Variants in PCDH15 observed in about 807,000 individuals in gnomAD.
PCDH15 encodes protocadherin-15.
A neutral mutation model predicts 178.5 loss-of-function variants in PCDH15; 129 were observed. That is an observed-to-expected ratio of 0.72 (90% CI 0.63 to 0.84). PCDH15 has a LOEUF of 0.84. PCDH15 is among the 40% of genes least tolerant of loss of function. PCDH15 has a pLI of 0.00. For synonymous variants in PCDH15, 800 were observed against 732.0 expected (o/e 1.09, Z -1.50); for missense variants, 2,230 against 2,099.9 (o/e 1.06, Z -1.21).
chr10:54,911,199 A>G (rs1954808225), intron 2 of PCDH15, among the ~76,000 whole-genome samples: 1 of 152,178 alleles, frequency 6.6e-6, no homozygotes, highest in African/African-American at 2.4e-5. Flanking sequence ...CTTCAGATAC[A>G]GTTTCACCGG....
Position 55,575,288 on chromosome 10 carries a change from G to T in PCDH15, c.-156+52337C>A, listed in dbSNP as rs140966468. 2.0e-5 allele frequency among the ~76,000 whole-genome samples: 3 copies of T among 152,106 alleles called. No homozygotes were observed. In the East Asian group the frequency reaches 5.8e-4, roughly 29 times the overall value. Reference sequence around the variant, plus strand: ...AATTTGTAATCTTATAAGGACTTAAGGCCCATCCTTACAATCAGAGGTAAA... The same window carrying T: ...AATTTGTAATCTTATAAGGACTTAATGCCCATCCTTACAATCAGAGGTAAA... On this transcript the variant is annotated intron_variant, in intron 2 of 5. Coordinates refer to the PCDH15 transcript ENST00000613346.
chr10:54,912,935 G>C (rs1413777847), intron 2 of PCDH15, among the ~76,000 whole-genome samples: 1 of 152,094 alleles, frequency 6.6e-6, no homozygotes, highest in East Asian at 1.9e-4. Flanking sequence ...GAGACTGTTG[G>C]CATTGTGCCT....
intron 1 of PCDH15, among the ~76,000 whole-genome samples, chr10:54,771,450 C>A (rs901388612): frequency 6.6e-6 from 1 of 152,066 alleles, no homozygotes; most frequent in Non-Finnish European, 1.5e-5. Flanking sequence ...CCCAAACCAT[C>A]ATTTCAAGGT....
intron 2 of PCDH15, among the ~76,000 whole-genome samples, chr10:54,934,900 T>TA (rs1396311106): frequency 2.0e-5 from 3 of 151,750 alleles, no homozygotes; most frequent in Non-Finnish European, 2.9e-5. Context: ...TATGCAGCCA[T>TA]AAAAAAGGAT....
At chr10:54,575,975 A>G (rs1023043891) in intron 2 of PCDH15, among the ~76,000 whole-genome samples, 6 of 152,226 alleles carry the variant, frequency 3.9e-5, no homozygotes, top group African/African-American at 9.6e-5. Context: ...CAGGAACTAT[A>G]TAGTCAATTC....
At chr10:55,401,294 T>C (rs1369138675) in intron 2 of PCDH15, among the ~76,000 whole-genome samples, 1 of 152,096 alleles carries the variant, frequency 6.6e-6, no homozygotes, top group African/African-American at 2.4e-5. Context: ...ATGATAAGAC[T>C]ATCTGCCTGG....
rs68166844 is a variant in PCDH15, at chr10:53,888,359, C to CATATAT, written c.3501+14878_3501+14883dup. On this transcript the variant is annotated intron_variant, in intron 26 of 37. Coordinates refer to ENST00000644397, the MANE Select transcript of PCDH15 (RefSeq NM_001384140.1). Reference sequence around the variant, plus strand: ...ACGTATATATATATACGTATATATACATATATATATATATTCCATATCAGT... The same window carrying CATATAT: ...ACGTATATATATATACGTATATATACATATATATATATATATATATTCCATATCAGT... Among the ~76,000 whole-genome samples, 1,050 of 107,078 alleles carry CATATAT rather than the reference C, an allele frequency of 9.8e-3. 17 individuals carry two copies. Among genetic ancestry groups the CATATAT allele is most frequent in the African/African-American group, 0.02 (478 of 24,062 alleles). 70.2% of individuals were successfully genotyped at this position (107,078 alleles called of 152,430 possible).
intron 21 of PCDH15, among the ~76,000 whole-genome samples, chr10:53,969,329 AC>A (rs1461836113): frequency 6.6e-6 from 1 of 152,188 alleles, no homozygotes; most frequent in South Asian, 2.1e-4. Flanking sequence ...AAAGAAATGA[AC>A]AAAGCCTCCA....
chr10:54,070,566 T>C (rs920535484), intron 17 of PCDH15, among the ~76,000 whole-genome samples: 2 of 151,970 alleles, frequency 1.3e-5, no homozygotes, highest in Non-Finnish European at 2.9e-5. Context: ...AAGAAGGATA[T>C]TAATATAGCA....
chr10:54,337,386 C>T (rs377595340), intron 6 of PCDH15, among the ~76,000 whole-genome samples: 1 of 152,182 alleles, frequency 6.6e-6, no homozygotes. Context: ...CAAATCTCAC[C>T]TTGAACTGTA....
chr10:53,828,193 C>T (rs1430208187), intron 31 of PCDH15, among the ~76,000 whole-genome samples: 1 of 55,318 alleles, frequency 1.8e-5, no homozygotes, highest in East Asian at 3.6e-4. Context: ...CCAACAAGAG[C>T]AAAAAGTCCG....
chr10:53,948,221 G>C (rs2086732289), intron 23 of PCDH15, among the ~76,000 whole-genome samples: 1 of 152,018 alleles, frequency 6.6e-6, no homozygotes, highest in African/African-American at 2.4e-5. Flanking sequence ...TCTCAAAAGT[G>C]CCCTGCTTTG....
chr10:55,127,807 T>C (rs1025211270), intron 2 of PCDH15, among the ~76,000 whole-genome samples: 4 of 152,072 alleles, frequency 2.6e-5, no homozygotes, highest in Non-Finnish European at 4.4e-5. Flanking sequence ...TTCCATTTTT[T>C]AGGACCCTAA....
chr10:55,123,350 A>G (rs1837819819), intron 2 of PCDH15, among the ~76,000 whole-genome samples: 1 of 152,154 alleles, frequency 6.6e-6, no homozygotes, highest in Non-Finnish European at 1.5e-5. Context: ...TTTAAATTTA[A>G]GAATCAGCCT....
chr10:54,877,022 A>G (rs1016986482), intron 3 of PCDH15, among the ~76,000 whole-genome samples: 3 of 152,186 alleles, frequency 2.0e-5, no homozygotes, highest in East Asian at 3.9e-4. Flanking sequence ...ATATGAAATT[A>G]CCACAGTCAC....
chr10:55,166,261 A>G (rs940034605), intron 2 of PCDH15, among the ~76,000 whole-genome samples: 1 of 152,164 alleles, frequency 6.6e-6, no homozygotes, highest in Non-Finnish European at 1.5e-5. Flanking sequence ...TCTCCAAGAG[A>G]ATGAAACAAT....
intron 2 of PCDH15, among the ~76,000 whole-genome samples, chr10:54,978,742 A>G (rs1298636548): frequency 6.6e-6 from 1 of 152,138 alleles, no homozygotes; most frequent in Non-Finnish European, 1.5e-5. Flanking sequence ...TCATCTTCCC[A>G]TAATTGGCCC....
At chr10:55,367,985 C>T (rs542093551) in intron 2 of PCDH15, among the ~76,000 whole-genome samples, 129 of 152,098 alleles carry the variant, frequency 8.5e-4, no homozygotes, top group Admixed American at 1.3e-3. Context: ...ATTACACACA[C>T]GCTTTTCTTT....
intron 25 of PCDH15, among the ~76,000 whole-genome samples, chr10:53,916,152 T>A (rs534143519): frequency 3.3e-5 from 5 of 152,248 alleles, no homozygotes; most frequent in Admixed American, 6.5e-5. Flanking sequence ...TGGCAAAAAA[T>A]TCTGTGCATG....
Sources: gnomAD v4.1 joint callset for allele counts (sites outside exome capture counted in the v4.1 genomes callset) on GRCh38, gnomAD v4.1.1 for gene constraint, MANE v1.5 for transcripts, NCBI Gene and HGNC (gene_info 2026-07-23, HGNC 2026-07-21) for gene names.